The following FMN2 variants were observed in gnomAD, a reference collection of about 807,000 sequenced individuals.
FMN2 encodes the protein formin 2.
A neutral mutation model predicts 142.3 loss-of-function variants in FMN2; 51 were observed. The ratio of observed to expected loss-of-function variants is 0.36; its 90% CI spans 0.29 to 0.45. The LOEUF is 0.45. FMN2 is among the 20% of genes least tolerant of loss of function. The pLI is 1.00. For missense variants in FMN2, 1,936 were observed against 2,122.8 expected (o/e 0.91, Z 1.73); for synonymous variants, 882 against 869.8 (o/e 1.01, Z -0.25).
intron 3 of FMN2, among the ~76,000 whole-genome samples, chr1:240,181,120 T>C (rs2103329858): frequency 6.6e-6 from 1 of 152,250 alleles, no homozygotes; most frequent in Non-Finnish European, 1.5e-5. Context: ...TTTTCCCTCC[T>C]CAGCCTCCCA....
intron 1 of FMN2, among the ~76,000 whole-genome samples, chr1:240,114,089 T>G (rs1023845443): frequency 3.3e-5 from 5 of 152,220 alleles, no homozygotes; most frequent in Non-Finnish European, 5.9e-5. Flanking sequence ...ATATTTTCAA[T>G]GCCATAATAG....
At chr1:240,355,770 TC>T (rs766474521) in intron 13 of FMN2, 45 bp from the exon 14 acceptor site, 1 of 1,392,228 alleles carries the variant, frequency 7.2e-7, no homozygotes, top group African/African-American at 1.4e-5. Context: ...GCCTTAATGC[TC>T]CACTAACAGT....
chr1:240,157,102 C>T (rs1407582883), intron 2 of FMN2, among the ~76,000 whole-genome samples: 2 of 152,174 alleles, frequency 1.3e-5, no homozygotes, highest in African/African-American at 4.8e-5. Flanking sequence ...AAAAAGTCTA[C>T]CGCACAGCTT....
chr1:240,215,272 G>A (rs1666852641), intron 6 of FMN2, among the ~76,000 whole-genome samples: 1 of 152,134 alleles, frequency 6.6e-6, no homozygotes, highest in Non-Finnish European at 1.5e-5. Flanking sequence ...AAGTCATATT[G>A]TGTCCATTAT....
rs776179455 is a variant in FMN2 at position 240,093,503 on chromosome 1, C to T, written c.1394C>T (p.Pro465Leu). ...ACTGCCCTGGCCTCCGTAGCCGCCC[C>T]GGCCAAGAAGCACCGGGCCGACGGC... ...SRTALASVAA[P>L]AKKHRADGGL... The change falls in exon 1 of 18, where the codon CCG becomes CTG. Residue 465 changes from proline to leucine, a missense_variant. Pro to Leu is a moderately conservative substitution (Grantham distance 98). Around this residue, in one of 8 missense-constraint regions of FMN2, gnomAD observed 751 missense variants for 791.8 expected, o/e 0.95. Coordinates refer to ENST00000319653, the MANE Select transcript of FMN2 (RefSeq NM_020066.5). 1 of 1,595,634 alleles carries T rather than the reference C, an allele frequency of 6.3e-7. No individual in the cohort carries two copies. Among genetic ancestry groups the T allele is most frequent in the Middle Eastern group, 1.7e-4 (1 of 5,954 alleles).
chr1:240,330,797 T>C, intron 11 of FMN2, 48 bp downstream of exon 11: 1 of 1,591,072 alleles, frequency 6.3e-7, no homozygotes, highest in South Asian at 1.1e-5. Flanking sequence ...GAGTCAAGGT[T>C]TTGTTTAGTA....
At chr1:240,445,733 C>T (rs769974686) in intron 16 of FMN2, among the ~76,000 whole-genome samples, 10 of 140,840 alleles carry the variant, frequency 7.1e-5, no homozygotes, top group Admixed American at 1.5e-4. Flanking sequence ...AGAAAATAAC[C>T]TTATATGATA....
At chr1:240,191,151 A>G (rs1248951545) in intron 4 of FMN2, among the ~76,000 whole-genome samples, 1 of 152,226 alleles carries the variant, frequency 6.6e-6, no homozygotes, top group Non-Finnish European at 1.5e-5. Context: ...GTTGGAAAGC[A>G]TCCTCTCTAA....
intron 14 of FMN2, among the ~76,000 whole-genome samples, chr1:240,357,482 A>G (rs1209865775): frequency 6.6e-6 from 1 of 152,232 alleles, no homozygotes; most frequent in Non-Finnish European, 1.5e-5. Context: ...GTAGTCATTT[A>G]TAATGATTTG....
Position 240,181,493 on chromosome 1 carries a change from C to T in FMN2, c.1930+3425C>T, listed in dbSNP as rs572932476. Reference sequence around the variant, plus strand: ...CTTTATGGATTGGTGAAGGAACTGACCCTTCTTTGTATGAATTGGAAGGGC... The same window carrying T: ...CTTTATGGATTGGTGAAGGAACTGATCCTTCTTTGTATGAATTGGAAGGGC... On this transcript the variant is annotated intron_variant, in intron 3 of 17. Transcript: ENST00000319653. Among the ~76,000 whole-genome samples the T allele has an allele frequency of 2.0e-5, 3 of 152,268 alleles. No individual in the cohort carries two copies. In the South Asian group the frequency reaches 6.2e-4, roughly 32 times the overall value.
chr1:240,379,812 T>C (rs1014071930), intron 14 of FMN2, among the ~76,000 whole-genome samples: 2 of 152,160 alleles, frequency 1.3e-5, no homozygotes, highest in Admixed American at 6.5e-5. Flanking sequence ...AAACAAAACG[T>C]TGGTTTCTTG....
chr1:240,466,906 G>A (rs955904436), intron 16 of FMN2, among the ~76,000 whole-genome samples: 4 of 152,170 alleles, frequency 2.6e-5, no homozygotes, highest in Admixed American at 6.5e-5. Context: ...ATTACTGCCT[G>A]TAAGTCCAGG....
intron 1 of FMN2, among the ~76,000 whole-genome samples, chr1:240,096,266 T>C (rs1243683595): frequency 1.3e-5 from 2 of 152,194 alleles, no homozygotes; most frequent in Non-Finnish European, 2.9e-5. Context: ...TGTGATCAGA[T>C]TTAGGGCCTT....
intron 14 of FMN2, among the ~76,000 whole-genome samples, chr1:240,387,930 C>A (rs1184245786): frequency 2.6e-5 from 4 of 152,164 alleles, no homozygotes; most frequent in African/African-American, 9.6e-5. Context: ...GTAATCCCAG[C>A]ACTTTGGGAG....
chr1:240,226,045 G>C (rs1667286223), intron 6 of FMN2, among the ~76,000 whole-genome samples: 1 of 152,084 alleles, frequency 6.6e-6, no homozygotes, highest in South Asian at 2.1e-4. Flanking sequence ...GACAGCCTCA[G>C]AAAAATGGGG....
At position 240,298,859 on chromosome 1, in the gene FMN2, T is replaced by G. The variant is rs183778545; in HGVS notation, c.4215+3976T>G. ...GTTGAAATCTTATAGTACTCCTTTCTTCCTTTCCTGGGAATTTTCCACTTT... is the reference window on the plus strand; with the variant it reads ...GTTGAAATCTTATAGTACTCCTTTCGTCCTTTCCTGGGAATTTTCCACTTT... On this transcript the variant is annotated intron_variant, in intron 8 of 17. Coordinates refer to ENST00000319653, the MANE Select transcript of FMN2 (RefSeq NM_020066.5). 3.7e-3 allele frequency among the ~76,000 whole-genome samples: 563 copies of G among 152,302 alleles called. 2 individuals carry two copies. Among genetic ancestry groups the G allele is most frequent in the Middle Eastern group, 0.01 (3 of 294 alleles).
At chr1:240,196,111 T>G (rs967073145) in intron 4 of FMN2, among the ~76,000 whole-genome samples, 26 of 152,320 alleles carry the variant, frequency 1.7e-4, no homozygotes, top group African/African-American at 5.8e-4. Flanking sequence ...ATTCAAGGTC[T>G]TATGAGCCTA....
chr1:240,315,725 C>T (rs1670760576), intron 8 of FMN2, among the ~76,000 whole-genome samples: 2 of 152,018 alleles, frequency 1.3e-5, no homozygotes, highest in Admixed American at 1.3e-4. Context: ...TTTAATGTAA[C>T]CCGGAGAAGA....
intron 6 of FMN2, among the ~76,000 whole-genome samples, chr1:240,223,907 T>G (rs1667209373): frequency 6.6e-6 from 1 of 151,990 alleles, no homozygotes; most frequent in African/African-American, 2.4e-5. Flanking sequence ...AGTGGTCTAT[T>G]TTGTTAATCT....
Sources: allele counts gnomAD v4.1 joint callset (sites outside exome capture counted in the v4.1 genomes callset), GRCh38; gene constraint gnomAD v4.1.1; regional missense constraint gnomAD v4.1.1; transcripts MANE v1.5; gene names NCBI Gene and HGNC (gene_info 2026-07-23, HGNC 2026-07-21).